The following BAHCC1 variants were observed in gnomAD, a reference collection of about 807,000 sequenced individuals.
The protein encoded by BAHCC1 is BAH and coiled-coil domain-containing protein 1.
A neutral mutation model predicts 88.2 loss-of-function variants in BAHCC1; 43 were observed. That is an observed-to-expected ratio of 0.49 (90% CI 0.38 to 0.63). The LOEUF is 0.63. Among genes scored for constraint, BAHCC1 ranks in the 20% least tolerant of loss-of-function variants. The probability of loss-of-function intolerance (pLI) is 0.00; values close to 1 mark genes in which losing one functional copy is unlikely to be tolerated. For synonymous variants in BAHCC1, 1,510 were observed against 745.5 expected, an observed-to-expected ratio of 2.03 and a Z score of -16.71; for missense variants, 3,023 against 1,654.8, an observed-to-expected ratio of 1.83 and a Z score of -14.34.
intron 11 of BAHCC1, chr17:81,451,039 G>C (rs1277192962): frequency 6.5e-6 from 1 of 154,360 alleles, no homozygotes; most frequent in Non-Finnish European, 1.5e-5. Context: ...ACAGGCAATG[G>C]CAGGTCTTAG....
At chr17:81,458,544 G>GCA in intron 18 of BAHCC1, 77 bp from the exon 19 acceptor site, 2 of 456,404 alleles carry the variant, frequency 4.4e-6, no homozygotes, top group African/African-American at 2.7e-5. Flanking sequence ...TCCCCCGCAC[G>GCA]CTGGCCCCTG....
At position 81,429,131 on chromosome 17, in the gene BAHCC1, T is replaced by G. The variant is rs1236000047; in HGVS notation, c.358+2152T>G. On this transcript the variant is annotated intron_variant, in intron 3 of 27. Coordinates refer to ENST00000675386, the MANE Select transcript of BAHCC1 (RefSeq NM_001377448.1). Reference sequence around the variant, plus strand: ...TCCCGCTGTCCGTGTCAGGTGGGGGTGGGCACGTGTGCGGGACAGTGGGCT... The same window carrying G: ...TCCCGCTGTCCGTGTCAGGTGGGGGGGGGCACGTGTGCGGGACAGTGGGCT... Among the ~76,000 whole-genome samples the G allele has an allele frequency of 2.0e-5, 3 of 152,044 alleles. No homozygotes were observed. The South Asian group carries it at 6.2e-4, about 32-fold the overall frequency.
chr17:81,443,874 T>C lies in BAHCC1; in HGVS notation c.2281T>C (p.Cys761Arg), dbSNP rs781787987. 8.4e-6 allele frequency: 6 copies of C among 714,096 alleles called. No homozygotes were observed. The highest frequency in any genetic ancestry group is 1.6e-5 in the Non-Finnish European group (6 of 384,908). The allele number at this position is 714,096 out of a possible 1,614,324, so 44.2% of individuals were successfully genotyped here. A position where few individuals can be genotyped will look rare whatever the true frequency, so the allele number is the denominator to read the frequency against. ...GGCTGAGGAGGAGAGGACGAGGCTATGTGATGACCGCCTGGGGCTTGCCAG... is the reference window on the plus strand; with the variant it reads ...GGCTGAGGAGGAGAGGACGAGGCTACGTGATGACCGCCTGGGGCTTGCCAG... Reference protein sequence around the residue: ...LEAEEERTRLCDDRLGLASRE... With the variant: ...LEAEEERTRLRDDRLGLASRE... The change falls in exon 6 of 28, where the codon TGT becomes CGT. Residue 761 changes from cysteine to arginine, a missense_variant. Transcript: ENST00000675386.
chr17:81,406,886 G>C (rs1555646996), intron 2 of BAHCC1: 1 of 456,314 alleles, frequency 2.2e-6, no homozygotes, highest in Admixed American at 2.3e-5. Flanking sequence ...AGCCGGGCTG[G>C]CATGCTGCAG....
rs1020513093 is a variant in BAHCC1, at chr17:81,465,313, T to C, written c.*1496T>C. 1 of 152,138 alleles carries C rather than the reference T, an allele frequency of 6.6e-6. No homozygotes were observed. The highest frequency in any genetic ancestry group is 2.4e-5 in the African/African-American group (1 of 41,416). The allele number at this position is 152,138 out of a possible 1,614,324, so 9.4% of individuals were successfully genotyped here. A position where few individuals can be genotyped will look rare whatever the true frequency, so the allele number is the denominator to read the frequency against. ...GCCTGATGGGCTAGTGCTTGGGGCATAGAATGAGGGTCCCCCTGACCACCT... is the reference window on the plus strand; with the variant it reads ...GCCTGATGGGCTAGTGCTTGGGGCACAGAATGAGGGTCCCCCTGACCACCT... On this transcript the variant is annotated 3_prime_UTR_variant, in exon 28 of 28. Transcript: ENST00000675386.
intron 2 of BAHCC1, among the ~76,000 whole-genome samples, chr17:81,406,746 G>GCGCGC (rs2063884828): frequency 2.6e-5 from 4 of 152,242 alleles, no homozygotes; most frequent in Admixed American, 2.0e-4. Context: ...GGCGCTAGGT[G>GCGCGC]TGCGCTGAGG....
At chr17:81,414,665 G>A (rs1409763802) in intron 2 of BAHCC1, among the ~76,000 whole-genome samples, 2 of 152,192 alleles carry the variant, frequency 1.3e-5, no homozygotes, top group Non-Finnish European at 2.9e-5. Context: ...GGGTCCGTGC[G>A]GCAGGAGCGC....
At chr17:81,446,147 A>G (rs1310303744) in intron 10 of BAHCC1, among the ~76,000 whole-genome samples, 1 of 151,872 alleles carries the variant, frequency 6.6e-6, no homozygotes, top group African/African-American at 2.4e-5. Context: ...ACTCCCCACC[A>G]GCCTATTTGA....
chr17:81,444,857 TGGG>T (rs1568021267), intron 8 of BAHCC1, 31 bp downstream of exon 8: 1 of 755,944 alleles, frequency 1.3e-6, no homozygotes, highest in East Asian at 2.5e-5. Context: ...CTGCTGTACT[TGGG>T]GGGTGCTGTT....
chr17:81,443,081 G>T lies in BAHCC1; in HGVS notation c.1732G>T (p.Gly578Trp). 1.3e-6 allele frequency: 1 copy of T among 778,220 alleles called. No homozygotes were observed. Among genetic ancestry groups the T allele is most frequent in the African/African-American group, 1.7e-5 (1 of 59,256 alleles). 48.2% of individuals were successfully genotyped at this position (778,220 alleles called of 1,614,324 possible). The change falls in exon 5 of 28, where the codon GGG becomes TGG. Residue 578 changes from glycine to tryptophan, a missense_variant. Physicochemically the swap from Gly to Trp is radical, Grantham distance 184. Transcript: ENST00000675386. ...SLELASLGYS[G>W]PHLPPWGVQA... is the part of the protein sequence containing the mutation. Reference sequence around the variant, plus strand: ...GGAGCTGGCATCCCTGGGCTACAGTGGGCCCCACCTGCCCCCATGGGGTGT... The same window carrying T: ...GGAGCTGGCATCCCTGGGCTACAGTTGGCCCCACCTGCCCCCATGGGGTGT...
At chr17:81,449,014 A>G (rs2064584372) in intron 11 of BAHCC1, among the ~76,000 whole-genome samples, 2 of 152,236 alleles carry the variant, frequency 1.3e-5, no homozygotes, top group Non-Finnish European at 2.9e-5. Context: ...ACCTGGCAGC[A>G]TGAGGAGGCG....
At chr17:81,456,816 C>A (rs1555657424) in intron 16 of BAHCC1, among the ~76,000 whole-genome samples, 1 of 152,108 alleles carries the variant, frequency 6.6e-6, no homozygotes, top group African/African-American at 2.4e-5. Flanking sequence ...TGCCTCACCC[C>A]CATGTCAGGG....
intron 2 of BAHCC1, among the ~76,000 whole-genome samples, chr17:81,404,989 C>T (rs1555646617): frequency 6.6e-6 from 1 of 152,196 alleles, no homozygotes; most frequent in East Asian, 1.9e-4. Context: ...AACTACTTGA[C>T]CAGAAAAGCC....
chr17:81,456,551 A>G lies in BAHCC1; in HGVS notation c.4824A>G (p.Pro1608=), dbSNP rs1555657357. ...GHGSRETPRC[P]AQPSVAASQE... The stretch of plus-strand genomic sequence containing the variant: ...GCAGCCGGGAGACACCCAGGTGCCC[A>G]GCCCAGCCCTCCGTGGCTGCGTCCC... Residue 1608 remains proline, a synonymous_variant, in exon 16 of 28, where the codon CCA becomes CCG. Coordinates refer to ENST00000675386, the MANE Select transcript of BAHCC1 (RefSeq NM_001377448.1). 1.4e-6 allele frequency: 1 copy of G among 712,102 alleles called. No homozygotes were observed. The highest frequency in any genetic ancestry group is 1.8e-5 in the African/African-American group (1 of 57,012). The allele number at this position is 712,102 out of a possible 1,614,324, so 44.1% of individuals were successfully genotyped here.
In BAHCC1 at chr17:81,461,330, T is replaced by G. The variant is rs1367795498; in HGVS notation, c.6667T>G (p.Cys2223Gly). The part of the protein sequence containing the change: ...EGVTSPKNKT[C>G]KALLMGDKDF... Reference sequence around the variant, plus strand: ...TGTGACCTCCCCCAAGAACAAGACCTGCAAGGCGTTGCTCATGGGGGACAA... The same window carrying G: ...TGTGACCTCCCCCAAGAACAAGACCGGCAAGGCGTTGCTCATGGGGGACAA... Residue 2223 changes from cysteine (C) to glycine (G), a missense_variant, in exon 26 of 28, where the codon TGC becomes GGC. Cys to Gly is a radical substitution (Grantham distance 159, BLOSUM62 -3). Transcript: ENST00000675386. The G allele has an allele frequency of 5.5e-6, 4 of 731,368 alleles. No individual in the cohort carries two copies. The highest frequency in any genetic ancestry group is 1.9e-5 in the Admixed American group (1 of 53,508). 45.3% of individuals were successfully genotyped at this position (731,368 alleles called of 1,614,324 possible). A position where few individuals can be genotyped will look rare whatever the true frequency, so the allele number is the denominator to read the frequency against.
chr17:81,398,195 G>A (rs1257825133), intron 1 of BAHCC1, among the ~76,000 whole-genome samples: 3 of 152,154 alleles, frequency 2.0e-5, no homozygotes, highest in Non-Finnish European at 2.9e-5. Context: ...AAGATGAGGA[G>A]TAATATGTGA....
At chr17:81,429,861 C>T (rs1568009783) in intron 3 of BAHCC1, among the ~76,000 whole-genome samples, 2 of 152,338 alleles carry the variant, frequency 1.3e-5, no homozygotes, top group South Asian at 4.1e-4. Context: ...CAAGCGGGGC[C>T]TCCTCTCTCC....
chr17:81,432,454 G>A (rs1280165842), intron 3 of BAHCC1, among the ~76,000 whole-genome samples: 1 of 147,680 alleles, frequency 6.8e-6, no homozygotes, highest in Non-Finnish European at 1.5e-5. Context: ...GGGGTCGTGT[G>A]GTTGCTTCTA....
At chr17:81,440,999 C>T (rs1265374739) in intron 4 of BAHCC1, among the ~76,000 whole-genome samples, 2 of 152,232 alleles carry the variant, frequency 1.3e-5, no homozygotes, top group Non-Finnish European at 2.9e-5. Flanking sequence ...CCCTGGTTTC[C>T]AAGGTCTTGG....
Sources: gnomAD v4.1 joint callset for allele counts (sites outside exome capture counted in the v4.1 genomes callset) on GRCh38, gnomAD v4.1.1 for gene constraint, MANE v1.5 for transcripts, NCBI Gene and HGNC (gene_info 2026-07-23, HGNC 2026-07-21) for gene names.